Variants in TOGARAM1 observed in about 807,000 individuals in gnomAD.
The protein encoded by TOGARAM1 is TOG array regulator of axonemal microtubules 1.
TOGARAM1 carries 100 observed loss-of-function variants against 166.6 expected under a neutral mutation model. The ratio of observed to expected loss-of-function variants is 0.60; its 90% CI spans 0.51 to 0.71. The LOEUF (loss-of-function observed/expected upper bound fraction) is 0.71, where lower values mean the gene tolerates loss of function less well. Among genes scored for constraint, TOGARAM1 ranks in the 30% least tolerant of loss-of-function variants. The pLI, the probability that TOGARAM1 is intolerant of heterozygous loss-of-function variation, is 0.00. For synonymous variants in TOGARAM1, 758 were observed against 763.8 expected, an observed-to-expected ratio of 0.99 and a Z score of 0.13; for missense variants, 2,029 against 2,102.7, an observed-to-expected ratio of 0.96 and a Z score of 0.69.
chr14:45,050,823 C>T (rs944213622), intron 14 of TOGARAM1, among the ~76,000 whole-genome samples: 3 of 151,926 alleles, frequency 2.0e-5, no homozygotes, highest in Non-Finnish European at 2.9e-5. Flanking sequence ...CCATGTTGGC[C>T]AGGCTAGTCT....
In TOGARAM1 at chr14:45,004,184, C is replaced by T. The variant is rs1460823253; in HGVS notation, c.2462C>T (p.Ser821Leu). 1 of 1,613,990 alleles carries T rather than the reference C, an allele frequency of 6.2e-7. No homozygotes were observed. Among genetic ancestry groups the T allele is most frequent in the Non-Finnish European group, 8.5e-7 (1 of 1,180,008 alleles). ...TACATCCTTCCATCCTATCCTGTCT[C>T]ATCACCTCGAACTAGTCCAAAGCAT... ...GAYILPSYPV[S>L]SPRTSPKHTS... The change falls in exon 4 of 20, where the codon TCA becomes TTA. Residue 821 changes from serine to leucine, a missense_variant. Coordinates refer to ENST00000361462, the MANE Select transcript of TOGARAM1 (RefSeq NM_001308120.2).
intron 1 of TOGARAM1, among the ~76,000 whole-genome samples, chr14:44,988,886 G>T (rs542296165): frequency 6.6e-6 from 1 of 152,208 alleles, no homozygotes; most frequent in East Asian, 1.9e-4. Context: ...CAGTAACCAC[G>T]TGAGTGAACT....
intron 16 of TOGARAM1, among the ~76,000 whole-genome samples, chr14:45,055,964 G>A (rs1035312291): frequency 4.6e-5 from 7 of 150,986 alleles, no homozygotes; most frequent in Admixed American, 4.6e-4. Context: ...ACTGTAGACT[G>A]CTTTTGGCAG....
chr14:44,999,036 A>G (rs553595987), intron 2 of TOGARAM1, among the ~76,000 whole-genome samples: 10 of 152,348 alleles, frequency 6.6e-5, no homozygotes, highest in Admixed American at 1.3e-4. Context: ...CGTATACTAC[A>G]AATACTGGGA....
Position 45,046,662 on chromosome 14 carries a change from A to C in TOGARAM1, c.4272A>C (p.Pro1424=). The C allele has an allele frequency of 1.5e-6, 2 of 1,332,406 alleles. No homozygotes were observed. The highest frequency in any genetic ancestry group is 1.9e-6 in the Non-Finnish European group (2 of 1,033,140). 82.5% of individuals were successfully genotyped at this position (1,332,406 alleles called of 1,614,324 possible). Residue 1424 remains proline, a synonymous_variant, in exon 14 of 20, where the codon CCA becomes CCC. Transcript: ENST00000361462. ...AGGATATGGCTGAACGCATATTACC[A>C]GCTGCTGCTAAGTTTGCTCAAGACA... The part of the protein sequence containing the change: ...AAKDMAERIL[P]AAAKFAQDSS...
At chr14:45,071,945 T>G (rs1157988308) in intron 19 of TOGARAM1, 147 bp downstream of exon 19, 8 of 585,206 alleles carry the variant, frequency 1.4e-5, no homozygotes, top group Non-Finnish European at 2.3e-5. Context: ...CAAGAGAACC[T>G]TTTAAGACTT....
At chr14:45,016,456 C>G (rs1319487008) in intron 7 of TOGARAM1, among the ~76,000 whole-genome samples, 1 of 152,106 alleles carries the variant, frequency 6.6e-6, no homozygotes, top group South Asian at 2.1e-4. Flanking sequence ...CCAAGGCGGG[C>G]GGATCACGAG....
chr14:44,963,799 C>T lies in TOGARAM1; in HGVS notation c.1378C>T (p.Leu460Phe), dbSNP rs1398063460. ...CAAACAAGAATACATGAAAATCTTC[C>T]TCAAGCTAATGAAGGAAGTAGGACC... ...VIKQEYMKIF[L>F]KLMKEVGPQQ... Residue 460 changes from leucine to phenylalanine, a missense_variant, in exon 1 of 20, where the codon CTC becomes TTC. Physicochemically the swap from Leu to Phe is conservative, Grantham distance 22. Coordinates refer to ENST00000361462, the MANE Select transcript of TOGARAM1 (RefSeq NM_001308120.2). The T allele has an allele frequency of 6.2e-7, 1 of 1,614,086 alleles. No individual in the cohort carries two copies. The highest frequency in any genetic ancestry group is 1.1e-5 in the South Asian group (1 of 91,074).
intron 14 of TOGARAM1, among the ~76,000 whole-genome samples, chr14:45,050,015 G>A (rs1348972171): frequency 6.6e-6 from 1 of 152,010 alleles, no homozygotes; most frequent in African/African-American, 2.4e-5. Context: ...TTGTGTCCCT[G>A]CTCTCTGCTG....
chr14:45,032,363 G>A lies in TOGARAM1; in HGVS notation c.3799G>A (p.Ala1267Thr), dbSNP rs199703239. 8.1e-6 allele frequency: 13 copies of A among 1,613,660 alleles called. No individual in the cohort carries two copies. Among genetic ancestry groups the A allele is most frequent in the Non-Finnish European group, 9.3e-6 (11 of 1,179,890 alleles). Residue 1267 changes from alanine (A) to threonine (T), a missense_variant, in exon 11 of 20, where the codon GCT (alanine) becomes ACT (threonine). Physicochemically the swap from Ala to Thr is moderately conservative, Grantham distance 58 (BLOSUM62 0). Coordinates refer to ENST00000361462, the MANE Select transcript of TOGARAM1 (RefSeq NM_001308120.2). ...IALTEALRLLADEDWEKKIEG... is the reference protein window; with the variant it reads ...IALTEALRLLTDEDWEKKIEG... ...ACTGACAGAAGCCCTGAGGCTTTTG[G>A]CTGATGAGGATTGGTAAGTTCACCA...
At position 45,068,224 on chromosome 14, in the gene TOGARAM1, G is replaced by A. The variant is rs1035235163; in HGVS notation, c.4750-200G>A. Reference sequence around the variant, plus strand: ...GTGATTTTTGAGGCCTTCTCTTTTTGTTACAAGAAGATTTGACACTTAGAT... The same window carrying A: ...GTGATTTTTGAGGCCTTCTCTTTTTATTACAAGAAGATTTGACACTTAGAT... On this transcript the variant is annotated intron_variant, in intron 17 of 19. Transcript: ENST00000361462. 4.6e-5 allele frequency among the ~76,000 whole-genome samples: 7 copies of A among 152,046 alleles called. No homozygotes were observed. In the South Asian group the frequency reaches 1.5e-3, roughly 32 times the overall value.
chr14:45,054,419 A>T lies in TOGARAM1; in HGVS notation c.4441-12A>T. 6.6e-7 allele frequency: 1 copy of T among 1,514,832 alleles called. No individual in the cohort carries two copies. The highest frequency in any genetic ancestry group is 1.2e-5 in the South Asian group (1 of 83,652). 93.8% of individuals were successfully genotyped at this position (1,514,832 alleles called of 1,614,324 possible). On this transcript the variant is annotated splice_polypyrimidine_tract_variant and intron_variant, in intron 15 of 19. Coordinates refer to ENST00000361462, the MANE Select transcript of TOGARAM1 (RefSeq NM_001308120.2). Reference sequence around the variant, plus strand: ...AAAATTTGTATTATACTAATTTTATATTTACTTGCAGGGTTTGGGGGAGAT... The same window carrying T: ...AAAATTTGTATTATACTAATTTTATTTTTACTTGCAGGGTTTGGGGGAGAT...
intron 10 of TOGARAM1, among the ~76,000 whole-genome samples, chr14:45,030,724 T>C (rs1881110480): frequency 6.6e-6 from 1 of 152,296 alleles, no homozygotes; most frequent in South Asian, 2.1e-4. Context: ...TTTACCTTTT[T>C]ACATTTTTTG....
chr14:44,986,224 C>T (rs1007016542), intron 1 of TOGARAM1, among the ~76,000 whole-genome samples: 5 of 152,136 alleles, frequency 3.3e-5, no homozygotes, highest in African/African-American at 4.8e-5. Context: ...AAAATCTAGA[C>T]AAATAACTGT....
chr14:44,978,276 A>G (rs1886324171), intron 1 of TOGARAM1: 1 of 152,188 alleles, frequency 6.6e-6, no homozygotes. Flanking sequence ...AAAAAGGTGG[A>G]GCAGATTACA....
chr14:45,000,470 C>T (rs1193623122), intron 3 of TOGARAM1, among the ~76,000 whole-genome samples: 1 of 152,104 alleles, frequency 6.6e-6, no homozygotes, highest in African/African-American at 2.4e-5. Flanking sequence ...CTTTCTGTGC[C>T]TGACTTATTT....
intron 2 of TOGARAM1, among the ~76,000 whole-genome samples, chr14:44,998,231 A>G (rs367787388): frequency 6.6e-6 from 1 of 152,208 alleles, no homozygotes; most frequent in East Asian, 1.9e-4. Context: ...TTTGATTTTG[A>G]TTTCTCTGTA....
chr14:45,051,305 AAAT>A (rs1882352781), intron 14 of TOGARAM1, among the ~76,000 whole-genome samples: 1 of 152,174 alleles, frequency 6.6e-6, no homozygotes, highest in African/African-American at 2.4e-5. Context: ...AGAGAATGAG[AAAT>A]ACAGGACCTA....
intron 19 of TOGARAM1, 43 bp downstream of exon 19, chr14:45,071,841 G>A (rs1883398106): frequency 1.4e-6 from 2 of 1,415,528 alleles, no homozygotes; most frequent in East Asian, 2.3e-5. Context: ...TATTAACTAA[G>A]GATAAACTGA....
Sources: gnomAD v4.1 joint callset for allele counts (sites outside exome capture counted in the v4.1 genomes callset) on GRCh38, gnomAD v4.1.1 for gene constraint, MANE v1.5 for transcripts, NCBI Gene and HGNC (gene_info 2026-07-23, HGNC 2026-07-21) for gene names.